The following MYRIP variants were observed in gnomAD, a reference collection of about 807,000 sequenced individuals.
MYRIP encodes myosin VIIA and Rab interacting protein, also known as rab effector MyRIP.
Under a neutral mutation model 98.0 loss-of-function variants are expected in MYRIP, and 49 were observed. That is an observed-to-expected ratio of 0.50 (90% CI 0.40 to 0.63). MYRIP has a LOEUF of 0.63. Ranked by LOEUF, MYRIP falls within the 30% of genes least tolerant of loss-of-function variation. The pLI is 0.00. For missense variants in MYRIP, 1,004 were observed against 1,058.2 expected (o/e 0.95, Z 0.71); for synonymous variants, 404 against 409.5 (o/e 0.99, Z 0.16).
chr3:39,817,849 T>C (rs1474672146), intron 1 of MYRIP, among the ~76,000 whole-genome samples: 1 of 152,208 alleles, frequency 6.6e-6, no homozygotes, highest in Non-Finnish European at 1.5e-5. Context: ...TAAAATGTAA[T>C]ACTAATCAAA....
At chr3:39,903,429 T>G (rs947422414) in intron 2 of MYRIP, among the ~76,000 whole-genome samples, 12 of 152,222 alleles carry the variant, frequency 7.9e-5, no homozygotes, top group Middle Eastern at 3.2e-3. Flanking sequence ...TTACCTAGTT[T>G]CTCTGGCTAG....
intron 8 of MYRIP, chr3:40,173,685 G>A (rs1284357808): frequency 1.3e-5 from 2 of 152,280 alleles, no homozygotes; most frequent in African/African-American, 2.4e-5. Context: ...TCACTGGAAC[G>A]AACTCAGTCC....
At chr3:40,043,021 T>C (rs886437526) in intron 2 of MYRIP, among the ~76,000 whole-genome samples, 1 of 152,218 alleles carries the variant, frequency 6.6e-6, no homozygotes, top group Non-Finnish European at 1.5e-5. Context: ...CTCAGCATCA[T>C]GATAGAGTAT....
intron 8 of MYRIP, among the ~76,000 whole-genome samples, chr3:40,181,165 G>C (rs114993192): frequency 0.031 from 4,683 of 150,710 alleles, 75 homozygotes; most frequent in African/African-American, 0.054. Context: ...GCAAGATTAA[G>C]TTTCCACGAC....
At chr3:39,819,514 G>T (rs1417504555) in intron 1 of MYRIP, among the ~76,000 whole-genome samples, 1 of 152,190 alleles carries the variant, frequency 6.6e-6, no homozygotes, top group East Asian at 1.9e-4. Context: ...CCATCCTAGG[G>T]TGTAGATTCT....
intron 2 of MYRIP, among the ~76,000 whole-genome samples, chr3:39,964,542 A>G (rs1945396485): frequency 6.6e-6 from 1 of 152,104 alleles, no homozygotes; most frequent in Non-Finnish European, 1.5e-5. Context: ...TTCCCTTTCA[A>G]AATTGGGTAA....
At chr3:40,056,890 A>G (rs2371140) in intron 3 of MYRIP, among the ~76,000 whole-genome samples, 44,252 of 152,058 alleles carry the variant, frequency 0.29, 6,508 homozygotes, top group East Asian at 0.36. Context: ...GAAATCCACC[A>G]TTCACTATGC....
rs146472915 is a variant in MYRIP, at chr3:40,083,158, G to C, written c.332+38887G>C. ...AGGGAGTCAGATATGAACAAAACAG[G>C]CATAATTCTATGTCTGTGGGGCTCA... is the stretch of plus-strand genomic sequence containing the variant. On this transcript the variant is annotated intron_variant, in intron 3 of 16. Coordinates refer to ENST00000302541, the MANE Select transcript of MYRIP (RefSeq NM_015460.4). Among the ~76,000 whole-genome samples, 85 of 152,260 alleles carry C rather than the reference G, an allele frequency of 5.6e-4. 2 individuals carry two copies. The East Asian group carries it at 0.01, about 18-fold the overall frequency.
chr3:40,058,770 T>C (rs993139055), intron 3 of MYRIP, among the ~76,000 whole-genome samples: 1 of 152,190 alleles, frequency 6.6e-6, no homozygotes, highest in Non-Finnish European at 1.5e-5. Context: ...AATATGTCTA[T>C]ACGGATTCTT....
At chr3:40,077,633 A>G (rs957968854) in intron 3 of MYRIP, among the ~76,000 whole-genome samples, 1 of 152,152 alleles carries the variant, frequency 6.6e-6, no homozygotes, top group African/African-American at 2.4e-5. Context: ...ACCTTGAGCT[A>G]GATACAGAGT....
At chr3:40,040,976 T>A (rs1235015555) in intron 2 of MYRIP, among the ~76,000 whole-genome samples, 10 of 7,282 alleles carry the variant, frequency 1.4e-3, no homozygotes, top group Non-Finnish European at 3.6e-3. Flanking sequence ...AAACTTAGAG[T>A]ATAATAAAAA....
rs564352495 is a variant in MYRIP at position 39,994,238 on chromosome 3, G to C, written c.111-49812G>C. Reference sequence around the variant, plus strand: ...CGGAGCATGAGCCGAAGCAGGGCGAGGCATCGCCTCATCCGGGAAGTGCAA... The same window carrying C: ...CGGAGCATGAGCCGAAGCAGGGCGACGCATCGCCTCATCCGGGAAGTGCAA... On this transcript the variant is annotated intron_variant, in intron 2 of 16. Transcript: ENST00000302541. Among the ~76,000 whole-genome samples the C allele has an allele frequency of 1.1e-3, 169 of 152,362 alleles. 1 individual carries two copies. The highest frequency in any genetic ancestry group is 3.8e-3 in the African/African-American group (159 of 41,588).
intron 2 of MYRIP, among the ~76,000 whole-genome samples, chr3:40,024,018 A>G (rs1947065572): frequency 6.6e-6 from 1 of 152,192 alleles, no homozygotes; most frequent in South Asian, 2.1e-4. Context: ...ACTAAACACA[A>G]AGAAGAAATG....
At chr3:40,109,744 C>G (rs1192817369) in intron 3 of MYRIP, among the ~76,000 whole-genome samples, 2 of 152,244 alleles carry the variant, frequency 1.3e-5, no homozygotes, top group Non-Finnish European at 1.5e-5. Flanking sequence ...TCCATAGTCT[C>G]ATAGACTCCT....
chr3:40,222,306 C>T (rs1352877627), intron 11 of MYRIP, among the ~76,000 whole-genome samples: 1 of 152,154 alleles, frequency 6.6e-6, no homozygotes, highest in African/African-American at 2.4e-5. Flanking sequence ...CAGATTGTTG[C>T]TATGAAAAGG....
intron 11 of MYRIP, among the ~76,000 whole-genome samples, chr3:40,216,893 T>C (rs1952137390): frequency 6.6e-6 from 1 of 152,194 alleles, no homozygotes; most frequent in African/African-American, 2.4e-5. Context: ...AGAGATGAAT[T>C]TGTAAATGCT....
Position 40,212,271 on chromosome 3 carries a change from T to G in MYRIP, c.1905+2178T>G, listed in dbSNP as rs28390123. On this transcript the variant is annotated intron_variant, in intron 11 of 16. Transcript: ENST00000302541. ...ATATATATATATACACGTATATATA[T>G]AGAGAGAGAGCGCCATATAGACTAT... Among the ~76,000 whole-genome samples, 85 of 131,500 alleles carry G rather than the reference T, an allele frequency of 6.5e-4. 2 individuals carry two copies. Among genetic ancestry groups the G allele is most frequent in the East Asian group, 1.7e-3 (8 of 4,726 alleles). 86.3% of individuals were successfully genotyped at this position (131,500 alleles called of 152,430 possible). A position where few individuals can be genotyped will look rare whatever the true frequency, so the allele number is the denominator to read the frequency against.
chr3:40,176,863 C>A (rs1412911362), intron 8 of MYRIP, among the ~76,000 whole-genome samples: 14 of 141,836 alleles, frequency 9.9e-5, no homozygotes, highest in African/African-American at 3.8e-4. Flanking sequence ...GAGCCGAGAT[C>A]ACACCATTGC....
At chr3:39,975,224 A>G (rs1368797077) in intron 2 of MYRIP, among the ~76,000 whole-genome samples, 1 of 152,216 alleles carries the variant, frequency 6.6e-6, no homozygotes, top group Non-Finnish European at 1.5e-5. Context: ...TCAGTGTGCA[A>G]AAATCACAAG....
Sources: gnomAD v4.1 joint callset for allele counts (sites outside exome capture counted in the v4.1 genomes callset) on GRCh38, gnomAD v4.1.1 for gene constraint, MANE v1.5 for transcripts, NCBI Gene and HGNC (gene_info 2026-07-23, HGNC 2026-07-21) for gene names.